DEFB116: variants seen among roughly 807,000 people sequenced by gnomAD.
The protein encoded by DEFB116 is beta-defensin 116.
In DEFB116, 5 loss-of-function variants were observed where a neutral mutation model predicts 2.8. That is an observed-to-expected ratio of 1.80 (90% CI 0.94 to 3.79). DEFB116 has a LOEUF of 3.79. Ranked by LOEUF, DEFB116 falls within the 30% of genes most tolerant of loss-of-function variation. The probability of loss-of-function intolerance (pLI) is 0.00; values close to 1 mark genes in which losing one functional copy is unlikely to be tolerated. For synonymous variants in DEFB116, 56 were observed against 40.8 expected (o/e 1.37, Z -1.42); for missense variants, 170 against 118.0 (o/e 1.44, Z -2.04).
chr20:31,303,487 C>A (rs1984930378), intron 1 of DEFB116, 34 bp from the exon 2 acceptor site: 3 of 1,610,370 alleles, frequency 1.9e-6, no homozygotes, highest in Non-Finnish European at 1.7e-6. Flanking sequence ...AGTTTCCATG[C>A]AGCAGTGATA....
At chr20:31,305,008 C>G (rs557757774) in intron 1 of DEFB116, among the ~76,000 whole-genome samples, 1 of 152,128 alleles carries the variant, frequency 6.6e-6, no homozygotes, top group Non-Finnish European at 1.5e-5. Flanking sequence ...TGTCCCATAA[C>G]ATTTGGGTAC....
At chr20:31,308,324 A>G (rs540955851) in intron 1 of DEFB116, among the ~76,000 whole-genome samples, 195 bp downstream of exon 1, 4 of 152,256 alleles carry the variant, frequency 2.6e-5, no homozygotes, top group Non-Finnish European at 4.4e-5. Context: ...AACCTCTTCA[A>G]TTTGTCTTGG....
chr20:31,303,723 GTAGT>G (rs1297003088), intron 1 of DEFB116, among the ~76,000 whole-genome samples: 4 of 152,120 alleles, frequency 2.6e-5, no homozygotes, highest in Admixed American at 1.3e-4. Context: ...GTTCATGTAT[GTAGT>G]ATTTTCAAAA....
chr20:31,307,757 A>C (rs551753803), intron 1 of DEFB116, among the ~76,000 whole-genome samples: 2 of 152,088 alleles, frequency 1.3e-5, no homozygotes, highest in East Asian at 3.9e-4. Context: ...TCACCCCCAA[A>C]CCCAGGCTAA....
chr20:31,303,984 T>A (rs1168273190), intron 1 of DEFB116, among the ~76,000 whole-genome samples: 1 of 152,218 alleles, frequency 6.6e-6, no homozygotes, highest in East Asian at 1.9e-4. Context: ...AGCAAACAAG[T>A]ACTACAACTG....
intron 1 of DEFB116, among the ~76,000 whole-genome samples, chr20:31,304,630 C>T (rs776856618): frequency 2.0e-5 from 3 of 152,024 alleles, no homozygotes; most frequent in Non-Finnish European, 2.9e-5. Context: ...ACAGAGAAGA[C>T]GGCATCATCC....
chr20:31,308,467 A>T, intron 1 of DEFB116, 52 bp downstream of exon 1: 1 of 1,590,820 alleles, frequency 6.3e-7, no homozygotes, highest in Non-Finnish European at 8.6e-7. Context: ...GGTCACCAAG[A>T]TACCAGTACC....
chr20:31,304,452 C>T (rs1259520494), intron 1 of DEFB116, among the ~76,000 whole-genome samples: 1 of 152,094 alleles, frequency 6.6e-6, no homozygotes, highest in African/African-American at 2.4e-5. Flanking sequence ...TAAAAACCTG[C>T]TGTTATCTTC....
At chr20:31,305,417 G>C (rs1038738628) in intron 1 of DEFB116, among the ~76,000 whole-genome samples, 1 of 152,106 alleles carries the variant, frequency 6.6e-6, no homozygotes, top group Admixed American at 6.6e-5. Context: ...CAATGGGCAA[G>C]CTGCCTTAGA....
intron 1 of DEFB116, among the ~76,000 whole-genome samples, chr20:31,303,860 A>G (rs994030222): frequency 6.6e-5 from 10 of 152,162 alleles, no homozygotes; most frequent in Non-Finnish European, 1.3e-4. Flanking sequence ...AAGTGCCTAC[A>G]GAGATCTGTG....
chr20:31,304,013 C>A (rs186142199), intron 1 of DEFB116, among the ~76,000 whole-genome samples: 14 of 152,196 alleles, frequency 9.2e-5, no homozygotes, highest in African/African-American at 2.2e-4. Flanking sequence ...TGTACATTGG[C>A]CTTACAGAAA....
chr20:31,303,775 G>A (rs1253399153), intron 1 of DEFB116, among the ~76,000 whole-genome samples: 1 of 152,122 alleles, frequency 6.6e-6, no homozygotes, highest in East Asian at 1.9e-4. Context: ...AATATTAGAT[G>A]ATGTAGTTGA....
rs185768146 is a variant in DEFB116, at chr20:31,307,828, C to A, written c.67+691G>T. Among the ~76,000 whole-genome samples the A allele has an allele frequency of 3.8e-3, 582 of 152,084 alleles. 2 individuals carry two copies. The highest frequency in any genetic ancestry group is 0.014 in the African/African-American group (561 of 41,496). ...GACTGAATAAGATACCCACTTTAGG[C>A]AAACACTAACTACAACTCAAGCCCT... On this transcript the variant is annotated intron_variant, in intron 1 of 1. Transcript: ENST00000400549.
chr20:31,306,176 G>T (rs1240809520), intron 1 of DEFB116, among the ~76,000 whole-genome samples: 1 of 151,928 alleles, frequency 6.6e-6, no homozygotes, highest in African/African-American at 2.4e-5. Flanking sequence ...AATCTCTAAG[G>T]TTATTTCTAC....
chr20:31,303,471 A>G lies in DEFB116; in HGVS notation c.68-18T>C. The G allele has an allele frequency of 6.2e-7, 1 of 1,612,142 alleles. No individual in the cohort carries two copies. ...CAGGCCACCTGGGAAAGACATGGCC[A>G]TGTTTAGTTTCCATGCAGCAGTGAT... On this transcript the variant is annotated intron_variant, in intron 1 of 1. Transcript: ENST00000400549.
At chr20:31,303,936 C>A (rs1252246863) in intron 1 of DEFB116, among the ~76,000 whole-genome samples, 2 of 152,058 alleles carry the variant, frequency 1.3e-5, no homozygotes, top group African/African-American at 4.8e-5. Flanking sequence ...AATATTTGAG[C>A]CTATGTGCAT....
At chr20:31,303,882 C>T (rs779568526) in intron 1 of DEFB116, among the ~76,000 whole-genome samples, 8 of 152,126 alleles carry the variant, frequency 5.3e-5, no homozygotes, top group Non-Finnish European at 1.2e-4. Flanking sequence ...CCCTCACACA[C>T]AGCTAATCAG....
intron 1 of DEFB116, among the ~76,000 whole-genome samples, chr20:31,305,314 T>G (rs1450745676): frequency 6.6e-6 from 1 of 152,030 alleles, no homozygotes; most frequent in Non-Finnish European, 1.5e-5. Flanking sequence ...ACTTTTCCTT[T>G]CTACCAAACA....
chr20:31,304,654 C>T (rs1984952935), intron 1 of DEFB116, among the ~76,000 whole-genome samples: 1 of 152,034 alleles, frequency 6.6e-6, no homozygotes, highest in Admixed American at 6.6e-5. Flanking sequence ...ATCATGTCTA[C>T]ACACACAGGG....
Sources: allele counts gnomAD v4.1 joint callset (sites outside exome capture counted in the v4.1 genomes callset), GRCh38; gene constraint gnomAD v4.1.1; transcripts MANE v1.5; gene names NCBI Gene and HGNC (gene_info 2026-07-23, HGNC 2026-07-21).